NEGR1: variants seen among roughly 807,000 people sequenced by gnomAD.
NEGR1 encodes neuronal growth regulator 1, also known as IgLON family member 4.
Under a neutral mutation model 40.9 loss-of-function variants are expected in NEGR1, and 10 were observed. The ratio of observed to expected loss-of-function variants is 0.24; its 90% CI spans 0.15 to 0.42. The LOEUF (loss-of-function observed/expected upper bound fraction) is 0.42, where lower values mean the gene tolerates loss of function less well. Ranked by LOEUF, NEGR1 falls within the 10% of genes least tolerant of loss-of-function variation. The probability of loss-of-function intolerance (pLI) is 1.00; values close to 1 mark genes in which losing one functional copy is unlikely to be tolerated. For synonymous variants in NEGR1, 185 were observed against 166.8 expected (o/e 1.11, Z -0.84); for missense variants, 352 against 438.9 (o/e 0.80, Z 1.77).
intron 1 of NEGR1, among the ~76,000 whole-genome samples, chr1:72,253,147 G>T (rs1655160894): frequency 1.3e-5 from 2 of 152,148 alleles, no homozygotes; most frequent in African/African-American, 4.8e-5. Context: ...TGATTTGATG[G>T]ACAGAGGGTT....
intron 6 of NEGR1, among the ~76,000 whole-genome samples, chr1:71,511,677 T>C (rs1225500995): frequency 1.3e-5 from 2 of 152,206 alleles, no homozygotes; most frequent in Non-Finnish European, 2.9e-5. Context: ...GCTTTTATGG[T>C]TGTGTTGAGA....
At chr1:71,999,676 T>TATATATATATACAC (rs1553129022) in intron 1 of NEGR1, among the ~76,000 whole-genome samples, 1 of 52,228 alleles carries the variant, frequency 1.9e-5, no homozygotes, top group Non-Finnish European at 4.0e-5. Context: ...TATATATATA[T>TATATATATATACAC]ATACATACAT....
intron 1 of NEGR1, among the ~76,000 whole-genome samples, chr1:72,279,152 T>C (rs572466831): frequency 1.3e-5 from 2 of 152,290 alleles, no homozygotes; most frequent in South Asian, 4.1e-4. Context: ...ATAAATCCTG[T>C]ATTTAAGCTA....
chr1:72,219,683 T>G (rs1296386404), intron 1 of NEGR1, among the ~76,000 whole-genome samples: 1 of 152,100 alleles, frequency 6.6e-6, no homozygotes, highest in East Asian at 1.9e-4. Context: ...ATGTTTATAA[T>G]TAAATTAAAA....
chr1:71,971,703 T>G (rs1646257905), intron 1 of NEGR1, among the ~76,000 whole-genome samples: 1 of 152,246 alleles, frequency 6.6e-6, no homozygotes, highest in Non-Finnish European at 1.5e-5. Flanking sequence ...CCACAATATT[T>G]GATGTTAAAA....
chr1:72,046,512 G>T (rs911921909), intron 1 of NEGR1, among the ~76,000 whole-genome samples: 7 of 151,532 alleles, frequency 4.6e-5, no homozygotes, highest in Non-Finnish European at 1.0e-4. Context: ...ATTATAGCCA[G>T]ATAAATGACC....
chr1:71,553,217 T>C (rs749068876), intron 6 of NEGR1, among the ~76,000 whole-genome samples: 2 of 151,632 alleles, frequency 1.3e-5, no homozygotes, highest in African/African-American at 4.8e-5. Context: ...ACTTTTGATT[T>C]ATATCTAGCC....
chr1:71,584,946 C>T (rs1243615268), intron 6 of NEGR1, among the ~76,000 whole-genome samples: 1 of 152,106 alleles, frequency 6.6e-6, no homozygotes, highest in African/African-American at 2.4e-5. Flanking sequence ...AATGTCTATT[C>T]TAGTGCCTTT....
At chr1:71,742,428 T>G (rs1196847113) in intron 3 of NEGR1, among the ~76,000 whole-genome samples, 1 of 152,086 alleles carries the variant, frequency 6.6e-6, no homozygotes, top group Non-Finnish European at 1.5e-5. Context: ...TCCACTCTAG[T>G]GGGTCTGGAT....
At chr1:71,759,126 T>C (rs1237798338) in intron 3 of NEGR1, among the ~76,000 whole-genome samples, 3 of 152,134 alleles carry the variant, frequency 2.0e-5, no homozygotes, top group Non-Finnish European at 4.4e-5. Flanking sequence ...AAGTATTAGA[T>C]GGACTCATTG....
intron 1 of NEGR1, among the ~76,000 whole-genome samples, chr1:72,019,273 T>C (rs1042000395): frequency 1.3e-5 from 2 of 152,218 alleles, no homozygotes; most frequent in Admixed American, 6.5e-5. Context: ...TTCAGAGTTC[T>C]GTTTCTCATT....
At chr1:71,529,820 A>G (rs958818640) in intron 6 of NEGR1, among the ~76,000 whole-genome samples, 4 of 151,154 alleles carry the variant, frequency 2.6e-5, no homozygotes, top group Admixed American at 2.0e-4. Context: ...TCAAACTGAG[A>G]CTGAGACTAA....
rs1030902436 is a variant in NEGR1 at position 72,033,086 on chromosome 1, A to C, written c.177-97775T>G. On this transcript the variant is annotated intron_variant, in intron 1 of 6. Transcript: ENST00000357731. ...TTAAATTGTTACTCACAGAATCAAA[A>C]TTTTCTACTAGAAAAGTCCAAATAT... Among the ~76,000 whole-genome samples the C allele has an allele frequency of 7.9e-5, 12 of 152,234 alleles. No homozygotes were observed. The South Asian group carries it at 2.5e-3, about 32-fold the overall frequency.
chr1:72,259,088 G>A (rs1655370017), intron 1 of NEGR1, among the ~76,000 whole-genome samples: 1 of 152,100 alleles, frequency 6.6e-6, no homozygotes, highest in Non-Finnish European at 1.5e-5. Flanking sequence ...TGCATCATGT[G>A]ATCTGAACTA....
At chr1:72,026,770 C>CT (rs981197518) in intron 1 of NEGR1, among the ~76,000 whole-genome samples, 8 of 151,982 alleles carry the variant, frequency 5.3e-5, no homozygotes, top group South Asian at 2.1e-4. Context: ...CCCTCTTTTC[C>CT]TTTTTTTTCA....
At chr1:71,472,685 T>G (rs1646790001) in intron 6 of NEGR1, 2 of 152,048 alleles carry the variant, frequency 1.3e-5, no homozygotes, top group African/African-American at 4.8e-5. Context: ...GATAGATGGG[T>G]GGTGGGAAAC....
intron 2 of NEGR1, among the ~76,000 whole-genome samples, chr1:71,826,463 GT>G (rs1358571676): frequency 6.6e-6 from 1 of 151,668 alleles, no homozygotes; most frequent in East Asian, 1.9e-4. Context: ...TGTTTGTTTT[GT>G]TTTACAATCA....
At chr1:72,112,402 C>T (rs368851588) in intron 1 of NEGR1, among the ~76,000 whole-genome samples, 1 of 151,440 alleles carries the variant, frequency 6.6e-6, no homozygotes, top group African/African-American at 2.4e-5. Context: ...TTTATTTTTT[C>T]CATAATATAT....
At chr1:72,207,446 G>C (rs1417527696) in intron 1 of NEGR1, among the ~76,000 whole-genome samples, 1 of 151,746 alleles carries the variant, frequency 6.6e-6, no homozygotes, top group Non-Finnish European at 1.5e-5. Flanking sequence ...AGAAAGAATG[G>C]AGAAAAATTT....
Sources: allele counts gnomAD v4.1 joint callset (sites outside exome capture counted in the v4.1 genomes callset), GRCh38; gene constraint gnomAD v4.1.1; transcripts MANE v1.5; gene names NCBI Gene and HGNC (gene_info 2026-07-23, HGNC 2026-07-21).